The following LRRC4C variants were observed in gnomAD, a reference collection of about 807,000 sequenced individuals.
LRRC4C encodes leucine rich repeat containing 4C, also known as leucine-rich repeat-containing protein 4C.
In LRRC4C, 5 loss-of-function variants were observed where a neutral mutation model predicts 33.6. The ratio of observed to expected loss-of-function variants is 0.15; its 90% CI spans 0.08 to 0.31. The LOEUF (loss-of-function observed/expected upper bound fraction) is 0.31. LRRC4C is among the 10% of genes least tolerant of loss of function. The pLI, the probability that LRRC4C is intolerant of heterozygous loss-of-function variation, is 1.00. For synonymous variants in LRRC4C, 329 were observed against 302.0 expected (o/e 1.09, Z -0.93); for missense variants, 560 against 796.7 (o/e 0.70, Z 3.58).
chr11:41,387,516 T>C (rs931178600), intron 1 of LRRC4C, among the ~76,000 whole-genome samples: 1 of 151,602 alleles, frequency 6.6e-6, no homozygotes, highest in Admixed American at 6.6e-5. Context: ...GGAAATGAGA[T>C]GGTTATTTAT....
intron 3 of LRRC4C, among the ~76,000 whole-genome samples, chr11:40,514,075 G>A (rs936019730): frequency 3.3e-5 from 5 of 152,008 alleles, no homozygotes; most frequent in African/African-American, 1.2e-4. Flanking sequence ...TGAAACTCAG[G>A]CCCTAAAGCA....
At chr11:41,421,861 A>G (rs1324902619) in intron 1 of LRRC4C, among the ~76,000 whole-genome samples, 1 of 152,056 alleles carries the variant, frequency 6.6e-6, no homozygotes, top group Non-Finnish European at 1.5e-5. Flanking sequence ...TGCAGTTTTA[A>G]TTAAGCAGGA....
intron 1 of LRRC4C, among the ~76,000 whole-genome samples, chr11:41,437,421 G>GCACACACACACACACA (rs138502307): frequency 6.9e-6 from 1 of 144,984 alleles, no homozygotes; most frequent in African/African-American, 2.6e-5. Context: ...ACGCGCGCGC[G>GCACACACACACACACA]CGCGCACACA....
At chr11:40,555,082 C>T (rs751555106) in intron 3 of LRRC4C, among the ~76,000 whole-genome samples, 5 of 152,224 alleles carry the variant, frequency 3.3e-5, no homozygotes, top group African/African-American at 7.2e-5. Context: ...AGAAATGCTA[C>T]GATTTTATAC....
intron 5 of LRRC4C, among the ~76,000 whole-genome samples, chr11:40,170,375 G>A (rs576462279): frequency 3.9e-5 from 6 of 152,226 alleles, no homozygotes; most frequent in South Asian, 4.1e-4. Flanking sequence ...GGGCTCACTC[G>A]GTGAAAACAT....
At chr11:40,347,918 C>T (rs1375296525) in intron 3 of LRRC4C, among the ~76,000 whole-genome samples, 1 of 152,146 alleles carries the variant, frequency 6.6e-6, no homozygotes, top group Non-Finnish European at 1.5e-5. Context: ...CATTTGAAAA[C>T]ATTTTAAAGG....
intron 1 of LRRC4C, among the ~76,000 whole-genome samples, chr11:41,187,150 G>A (rs758838210): frequency 6.6e-5 from 10 of 152,186 alleles, no homozygotes; most frequent in Non-Finnish European, 1.2e-4. Flanking sequence ...ATGGTCCCTG[G>A]ATAGGGCTCC....
chr11:40,533,007 C>G (rs1038387349), intron 3 of LRRC4C, among the ~76,000 whole-genome samples: 4 of 152,018 alleles, frequency 2.6e-5, no homozygotes, highest in South Asian at 2.1e-4. Context: ...CTCACTATCA[C>G]GAGAACAGCA....
At chr11:40,989,070 T>C (rs1853310487) in intron 1 of LRRC4C, among the ~76,000 whole-genome samples, 1 of 152,136 alleles carries the variant, frequency 6.6e-6, no homozygotes, top group African/African-American at 2.4e-5. Context: ...TTAAATATTT[T>C]GAACATATCA....
chr11:41,340,351 T>C (rs189509408), intron 1 of LRRC4C, among the ~76,000 whole-genome samples: 1 of 152,304 alleles, frequency 6.6e-6, no homozygotes, highest in African/African-American at 2.4e-5. Context: ...TTCCTTTTTG[T>C]AGCATTTTGC....
chr11:40,413,632 T>C (rs1402541153), intron 3 of LRRC4C, among the ~76,000 whole-genome samples: 1 of 152,136 alleles, frequency 6.6e-6, no homozygotes, highest in South Asian at 2.1e-4. Context: ...AATTAGCAGT[T>C]ACGTAAAATC....
chr11:40,857,669 C>A (rs1014993964), intron 2 of LRRC4C, among the ~76,000 whole-genome samples: 1 of 152,252 alleles, frequency 6.6e-6, no homozygotes, highest in African/African-American at 2.4e-5. Context: ...AATCCTAACA[C>A]TTTGGGAGGC....
At position 40,388,632 on chromosome 11, in the gene LRRC4C, C is replaced by T. The variant is rs530508424; in HGVS notation, c.-269-68911G>A. The stretch of plus-strand genomic sequence containing the variant: ...TGTGAGTAAGGAATGAGTCAAGGAA[C>T]ATCCAGATACCAAATTCCAATGCCT... On this transcript the variant is annotated intron_variant, in intron 3 of 6. Coordinates refer to ENST00000528697, the MANE Select transcript of LRRC4C (RefSeq NM_001258419.2). 3.0e-4 allele frequency among the ~76,000 whole-genome samples: 45 copies of T among 152,284 alleles called. 1 individual carries two copies. The South Asian group carries it at 5.8e-3, about 20-fold the overall frequency.
intron 1 of LRRC4C, among the ~76,000 whole-genome samples, chr11:41,291,653 T>C (rs1223918743): frequency 6.6e-6 from 1 of 152,122 alleles, no homozygotes; most frequent in East Asian, 1.9e-4. Flanking sequence ...CAGGAGCCTA[T>C]ACAAAGGTTC....
chr11:41,407,629 T>C lies in LRRC4C; in HGVS notation c.-496+51802A>G, dbSNP rs546354721. On this transcript the variant is annotated intron_variant, in intron 1 of 6. Transcript: ENST00000528697. Reference sequence around the variant, plus strand: ...AAGTTACTTTTTAAAAATTACAAAATACACCAAACATATAGAAAACACAGG... The same window carrying C: ...AAGTTACTTTTTAAAAATTACAAAACACACCAAACATATAGAAAACACAGG... 2.6e-5 allele frequency among the ~76,000 whole-genome samples: 4 copies of C among 152,252 alleles called. No homozygotes were observed. In the South Asian group the frequency reaches 6.2e-4, roughly 24 times the overall value.
intron 1 of LRRC4C, among the ~76,000 whole-genome samples, chr11:41,178,073 C>A (rs1161187623): frequency 6.6e-6 from 1 of 152,114 alleles, no homozygotes; most frequent in Non-Finnish European, 1.5e-5. Flanking sequence ...CAGTGTCTCC[C>A]AAGCCCATTA....
intron 1 of LRRC4C, among the ~76,000 whole-genome samples, chr11:41,350,210 C>T (rs1201749083): frequency 1.3e-5 from 2 of 152,126 alleles, no homozygotes; most frequent in East Asian, 3.9e-4. Flanking sequence ...CCTATAAGAT[C>T]TTTTTGAAAA....
At chr11:40,839,808 T>A (rs1334890157) in intron 2 of LRRC4C, among the ~76,000 whole-genome samples, 1 of 152,196 alleles carries the variant, frequency 6.6e-6, no homozygotes, top group Non-Finnish European at 1.5e-5. Context: ...TACCCGGTGC[T>A]GAAGAAGAAT....
At chr11:40,215,835 C>A (rs565968049) in intron 5 of LRRC4C, among the ~76,000 whole-genome samples, 3 of 152,164 alleles carry the variant, frequency 2.0e-5, no homozygotes, top group Admixed American at 1.3e-4. Flanking sequence ...AATTAAGAAC[C>A]GCTAAGAAGG....
Sources: allele counts gnomAD v4.1 joint callset (sites outside exome capture counted in the v4.1 genomes callset), GRCh38; gene constraint gnomAD v4.1.1; transcripts MANE v1.5; gene names NCBI Gene and HGNC (gene_info 2026-07-23, HGNC 2026-07-21).